Variants in INSIG2 observed in about 807,000 individuals in gnomAD.
INSIG2 encodes the protein insulin induced gene 2.
In INSIG2, 10 loss-of-function variants were observed where a neutral mutation model predicts 27.2. The ratio of observed to expected loss-of-function variants is 0.37; its 90% CI spans 0.23 to 0.62. The LOEUF (loss-of-function observed/expected upper bound fraction) is 0.62. INSIG2 is among the 20% of genes least tolerant of loss of function. INSIG2 has a pLI of 0.65. For missense variants in INSIG2, 178 were observed against 270.2 expected (o/e 0.66, Z 2.39); for synonymous variants, 97 against 95.8 (o/e 1.01, Z -0.07).
rs370518545 is a variant in INSIG2 at position 118,106,922 on chromosome 2, A to G, written c.536+19A>G. Reference sequence around the variant, plus strand: ...TTTACCAGTAAGTATTAATCCTTCAATTTTTGGTGCTTGTTTGCTAGATAA... The same window carrying G: ...TTTACCAGTAAGTATTAATCCTTCAGTTTTTGGTGCTTGTTTGCTAGATAA... On this transcript the variant is annotated intron_variant, in intron 4 of 5. Transcript: ENST00000245787. The G allele has an allele frequency of 1.2e-6, 2 of 1,610,962 alleles. No homozygotes were observed. The highest frequency in any genetic ancestry group is 1.7e-6 in the Non-Finnish European group (2 of 1,177,728).
chr2:118,094,232 C>CTG, intron 1 of INSIG2, among the ~76,000 whole-genome samples: 1 of 65,606 alleles, frequency 1.5e-5, no homozygotes, highest in African/African-American at 6.1e-5. Context: ...CAAAAGCAAC[C>CTG]AGATGATGAT....
chr2:118,110,646 T>A lies in INSIG2; in HGVS notation c.*2324T>A, dbSNP rs1330779200. 1 of 152,220 alleles carries A rather than the reference T, an allele frequency of 6.6e-6. No individual in the cohort carries two copies. The highest frequency in any genetic ancestry group is 1.5e-5 in the Non-Finnish European group (1 of 68,036). 9.4% of individuals were successfully genotyped at this position (152,220 alleles called of 1,614,324 possible). On this transcript the variant is annotated 3_prime_UTR_variant, in exon 6 of 6. Coordinates refer to ENST00000245787, the MANE Select transcript of INSIG2 (RefSeq NM_016133.4). ...AATTATAGCAAAAAATAAAATTGTT[T>A]TGAAATTTTGATAAATATATAAATG...
At chr2:118,099,313 A>G (rs984775507) in intron 2 of INSIG2, among the ~76,000 whole-genome samples, 2 of 152,216 alleles carry the variant, frequency 1.3e-5, no homozygotes, top group African/African-American at 4.8e-5. Context: ...GAGGGGCTCC[A>G]GAATCACCAC....
At position 118,096,429 on chromosome 2, in the gene INSIG2, A is replaced by G; in HGVS notation, c.-128A>G. On this transcript the variant is annotated 5_prime_UTR_variant, in exon 2 of 6. The change abolishes the stop of an existing upstream ORF in the 5' untranslated region. Coordinates refer to ENST00000245787, the MANE Select transcript of INSIG2 (RefSeq NM_016133.4). ...TCTTATCTCTTGCAGGATTTCTGGT[A>G]GGTCCTACTTTAGGACAAGATGTGG... 1.2e-6 allele frequency: 1 copy of G among 817,252 alleles called. No individual in the cohort carries two copies. Among genetic ancestry groups the G allele is most frequent in the Non-Finnish European group, 1.9e-6 (1 of 534,912 alleles). The allele number at this position is 817,252 out of a possible 1,614,324, so 50.6% of individuals were successfully genotyped here.
chr2:118,093,983 A>G (rs1233881373), intron 1 of INSIG2, among the ~76,000 whole-genome samples: 10 of 74,044 alleles, frequency 1.4e-4, no homozygotes, highest in African/African-American at 5.1e-4. Flanking sequence ...AGAGTTCTGT[A>G]GCTACTGAAC....
chr2:118,106,090 T>C (rs1288594885), intron 3 of INSIG2, among the ~76,000 whole-genome samples: 1 of 152,206 alleles, frequency 6.6e-6, no homozygotes, highest in Non-Finnish European at 1.5e-5. Context: ...CCAAAATAGC[T>C]TGGCAGGTTG....
intron 2 of INSIG2, among the ~76,000 whole-genome samples, chr2:118,101,631 G>A (rs924384860): frequency 2.6e-5 from 4 of 152,288 alleles, no homozygotes; most frequent in Middle Eastern, 3.4e-3. Flanking sequence ...GAGAAAAAAA[G>A]AGGTGATATT....
At chr2:118,090,536 TTGA>T (rs537914520) in intron 1 of INSIG2, among the ~76,000 whole-genome samples, 112 of 152,358 alleles carry the variant, frequency 7.4e-4, no homozygotes, top group African/African-American at 2.6e-3. Flanking sequence ...TTTTCCAGTA[TTGA>T]TGATTCATCA....
At chr2:118,094,043 T>G (rs1475160316) in intron 1 of INSIG2, among the ~76,000 whole-genome samples, 2 of 107,102 alleles carry the variant, frequency 1.9e-5, no homozygotes, top group African/African-American at 3.8e-5. Flanking sequence ...ATGATGATGA[T>G]GATGATGGAG....
intron 4 of INSIG2, 71 bp from the exon 5 acceptor site, chr2:118,107,019 T>G (rs1678689158): frequency 6.8e-7 from 1 of 1,465,238 alleles, no homozygotes; most frequent in South Asian, 1.2e-5. Context: ...GAGTAGTTTA[T>G]TTTCATTGTA....
chr2:118,093,860 TGATGAG>T (rs1366408034), intron 1 of INSIG2, among the ~76,000 whole-genome samples: 36 of 75,600 alleles, frequency 4.8e-4, no homozygotes, highest in East Asian at 8.3e-4. Context: ...ATGATGATGA[TGATGAG>T]GAGGAGGAGG....
At chr2:118,097,626 A>G (rs1396002317) in intron 2 of INSIG2, among the ~76,000 whole-genome samples, 2 of 152,188 alleles carry the variant, frequency 1.3e-5, no homozygotes, top group Non-Finnish European at 2.9e-5. Context: ...AATGGATAGC[A>G]CTTTAGTGTT....
chr2:118,094,028 T>G (rs1203558485), intron 1 of INSIG2, among the ~76,000 whole-genome samples: 11 of 84,254 alleles, frequency 1.3e-4, no homozygotes, highest in African/African-American at 3.7e-4. Flanking sequence ...ATGATGATGA[T>G]GATGATGATG....
intron 2 of INSIG2, among the ~76,000 whole-genome samples, chr2:118,097,264 T>G (rs1258630529): frequency 6.6e-6 from 1 of 152,256 alleles, no homozygotes; most frequent in Non-Finnish European, 1.5e-5. Flanking sequence ...AATTTTGTTC[T>G]TTCTTCAACC....
At position 118,110,154 on chromosome 2, in the gene INSIG2, C is replaced by T. The variant is rs1678778740; in HGVS notation, c.*1832C>T. On this transcript the variant is annotated 3_prime_UTR_variant, in exon 6 of 6. Coordinates refer to ENST00000245787, the MANE Select transcript of INSIG2 (RefSeq NM_016133.4). ...GAAAAGAAACTAAATATAGTTGACC[C>T]TTGAACAACAGGAGTTAGGGGCACC... 6.6e-6 allele frequency: 1 copy of T among 152,064 alleles called. No individual in the cohort carries two copies. Among genetic ancestry groups the T allele is most frequent in the African/African-American group, 2.4e-5 (1 of 41,378 alleles). 9.4% of individuals were successfully genotyped at this position (152,064 alleles called of 1,614,324 possible). A position where few individuals can be genotyped will look rare whatever the true frequency, so the allele number is the denominator to read the frequency against.
At chr2:118,091,165 A>G (rs189818010) in intron 1 of INSIG2, among the ~76,000 whole-genome samples, 36 of 152,362 alleles carry the variant, frequency 2.4e-4, no homozygotes, top group African/African-American at 8.7e-4. Flanking sequence ...AACAAACTTC[A>G]AAGTAAACTA....
At chr2:118,103,956 C>G (rs2104536762) in intron 3 of INSIG2, among the ~76,000 whole-genome samples, 1 of 152,304 alleles carries the variant, frequency 6.6e-6, no homozygotes, top group East Asian at 1.9e-4. Context: ...TCCCCTTCCC[C>G]TTTCTACCTT....
Position 118,096,434 on chromosome 2 carries a change from C to T in INSIG2, c.-123C>T. On this transcript the variant is annotated 5_prime_UTR_variant, in exon 2 of 6. Transcript: ENST00000245787. ...TCTCTTGCAGGATTTCTGGTAGGTC[C>T]TACTTTAGGACAAGATGTGGTACCG... 3 of 920,666 alleles carry T rather than the reference C, an allele frequency of 3.3e-6. No homozygotes were observed. The highest frequency in any genetic ancestry group is 4.8e-6 in the Non-Finnish European group (3 of 623,702). The allele number at this position is 920,666 out of a possible 1,614,324, so 57.0% of individuals were successfully genotyped here. A position where few individuals can be genotyped will look rare whatever the true frequency, so the allele number is the denominator to read the frequency against.
intron 2 of INSIG2, among the ~76,000 whole-genome samples, chr2:118,099,122 A>C (rs1300347560): frequency 6.6e-6 from 1 of 152,230 alleles, no homozygotes; most frequent in African/African-American, 2.4e-5. Flanking sequence ...TAAATGATTT[A>C]AGAAACATAG....
Sources: gnomAD v4.1 joint callset for allele counts (sites outside exome capture counted in the v4.1 genomes callset) on GRCh38, gnomAD v4.1.1 for gene constraint, MANE v1.5 for transcripts, NCBI Gene and HGNC (gene_info 2026-07-23, HGNC 2026-07-21) for gene names.